TMEM45B: variants seen among roughly 807,000 people sequenced by gnomAD.
The protein encoded by TMEM45B is transmembrane protein 45B.
TMEM45B carries 29 observed loss-of-function variants against 27.3 expected under a neutral mutation model. That is an observed-to-expected ratio of 1.06 (90% CI 0.79 to 1.45). TMEM45B has a LOEUF of 1.45. Among genes scored for constraint, TMEM45B ranks in the 40% most tolerant of loss-of-function variants. The pLI is 0.00. For synonymous variants in TMEM45B, 143 were observed against 134.7 expected (o/e 1.06, Z -0.43); for missense variants, 348 against 343.9 (o/e 1.01, Z -0.09).
chr11:129,847,271 C>T (rs926538727), intron 1 of TMEM45B, among the ~76,000 whole-genome samples: 3 of 152,124 alleles, frequency 2.0e-5, no homozygotes, highest in African/African-American at 4.8e-5. Flanking sequence ...CCGGAGGAAA[C>T]AGCTGAAAGG....
chr11:129,850,459 C>T (rs1464590979), intron 1 of TMEM45B: 1 of 152,314 alleles, frequency 6.6e-6, no homozygotes, highest in Non-Finnish European at 1.5e-5. Flanking sequence ...GCCACCGCAC[C>T]TGGCCTCTCA....
chr11:129,857,291 A>G, intron 4 of TMEM45B, 22 bp from the exon 5 acceptor site: 2 of 1,611,350 alleles, frequency 1.2e-6, no homozygotes, highest in Non-Finnish European at 1.7e-6. Flanking sequence ...CACAAGACCA[A>G]CTTCTCTCTG....
In TMEM45B at chr11:129,855,787, C is replaced by A. The variant is rs527243028; in HGVS notation, c.465C>A (p.Phe155Leu). 2.5e-6 allele frequency: 4 copies of A among 1,614,014 alleles called. No individual in the cohort carries two copies. Among genetic ancestry groups the A allele is most frequent in the African/African-American group, 2.7e-5 (2 of 74,904 alleles). Reference sequence around the variant, plus strand: ...ACTCACTCCTGCTGTATGCTCTGTTCGGAGGGTGTGTTAGTATCTCCCTAG... The same window carrying A: ...ACTCACTCCTGCTGTATGCTCTGTTAGGAGGGTGTGTTAGTATCTCCCTAG... ...HIHSLLLYAL[F>L]GGCVSISLEV... The change falls in exon 4 of 6, where the codon TTC becomes TTA. Residue 155 changes from phenylalanine to leucine, a missense_variant. Coordinates refer to ENST00000281441, the MANE Select transcript of TMEM45B (RefSeq NM_138788.5).
intron 1 of TMEM45B, among the ~76,000 whole-genome samples, chr11:129,848,329 A>G (rs1227097166): frequency 6.9e-3 from 983 of 143,420 alleles, no homozygotes; most frequent in African/African-American, 0.023. Context: ...CGGCCAACAC[A>G]GCGAAACCCC....
At chr11:129,822,927 G>A (rs1267180718) in intron 1 of TMEM45B, among the ~76,000 whole-genome samples, 4 of 147,046 alleles carry the variant, frequency 2.7e-5, no homozygotes, top group South Asian at 2.1e-4. Flanking sequence ...TGCAAGCTCC[G>A]CCTCCCGAGT....
chr11:129,840,557 CAT>C (rs1947676753), intron 1 of TMEM45B, among the ~76,000 whole-genome samples: 1 of 152,082 alleles, frequency 6.6e-6, no homozygotes, highest in African/African-American at 2.4e-5. Context: ...ATTAAACAAA[CAT>C]GTAAATTTTT....
intron 1 of TMEM45B, among the ~76,000 whole-genome samples, chr11:129,847,416 T>A (rs1397217366): frequency 2.6e-5 from 4 of 151,510 alleles, no homozygotes; most frequent in African/African-American, 4.9e-5. Flanking sequence ...TATTTTTTTT[T>A]ATTTTTTTTT....
intron 1 of TMEM45B, among the ~76,000 whole-genome samples, chr11:129,850,100 T>A (rs1947825065): frequency 6.6e-6 from 1 of 152,166 alleles, no homozygotes; most frequent in Admixed American, 6.5e-5. Context: ...GACCTTTAGC[T>A]TTCCTTTTGA....
chr11:129,829,645 C>T (rs1947525310), intron 1 of TMEM45B, among the ~76,000 whole-genome samples: 1 of 152,190 alleles, frequency 6.6e-6, no homozygotes, highest in South Asian at 2.1e-4. Context: ...GCCCACACTA[C>T]CTGACTAATG....
intron 1 of TMEM45B, among the ~76,000 whole-genome samples, chr11:129,830,927 G>A (rs1419317605): frequency 6.6e-6 from 1 of 152,168 alleles, no homozygotes; most frequent in Non-Finnish European, 1.5e-5. Context: ...ATCTGACCAA[G>A]TATTCCACTC....
chr11:129,819,797 G>GC (rs969618010), intron 1 of TMEM45B, among the ~76,000 whole-genome samples: 22 of 151,522 alleles, frequency 1.5e-4, no homozygotes, highest in Admixed American at 1.1e-3. Context: ...CCTGTGATCT[G>GC]CCCCCCTCGG....
intron 5 of TMEM45B, among the ~76,000 whole-genome samples, chr11:129,858,334 GAA>G (rs1314938304): frequency 2.6e-5 from 4 of 152,340 alleles, no homozygotes; most frequent in African/African-American, 9.6e-5. Flanking sequence ...CCCAGCCACT[GAA>G]ACAGTAAACC....
chr11:129,850,040 A>T (rs1030093908), intron 1 of TMEM45B, among the ~76,000 whole-genome samples: 8 of 151,980 alleles, frequency 5.3e-5, no homozygotes, highest in African/African-American at 1.7e-4. Context: ...TCTCTCCTAC[A>T]CACACGTTTT....
At chr11:129,817,649 G>T (rs1339741419) in intron 1 of TMEM45B, among the ~76,000 whole-genome samples, 1 of 152,206 alleles carries the variant, frequency 6.6e-6, no homozygotes, top group African/African-American at 2.4e-5. Flanking sequence ...GGCCACACCT[G>T]TTCCCATTTA....
intron 1 of TMEM45B, among the ~76,000 whole-genome samples, chr11:129,826,567 A>AAAATAAAAAT (rs1199881268): frequency 1.0e-5 from 1 of 96,126 alleles, no homozygotes; most frequent in African/African-American, 3.8e-5. Flanking sequence ...AAAAAAAAAA[A>AAAATAAAAAT]AGGACCCTGA....
chr11:129,850,857 G>C (rs753614862), intron 1 of TMEM45B, among the ~76,000 whole-genome samples: 1 of 152,074 alleles, frequency 6.6e-6, no homozygotes, highest in African/African-American at 2.4e-5. Flanking sequence ...GGCAATCCAG[G>C]CTTTTTTCAG....
chr11:129,850,329 TA>T (rs1947831006), intron 1 of TMEM45B: 1 of 152,190 alleles, frequency 6.6e-6, no homozygotes, highest in Admixed American at 6.5e-5. Context: ...CGCGCCCGGC[TA>T]ATTTTTTTAT....
intron 1 of TMEM45B, among the ~76,000 whole-genome samples, chr11:129,826,641 A>G (rs10894146): frequency 0.91 from 133,834 of 147,692 alleles, 60,899 homozygotes; most frequent in East Asian, 1. Flanking sequence ...CTAGGACCCA[A>G]GTATTCTGAC....
intron 1 of TMEM45B, among the ~76,000 whole-genome samples, chr11:129,843,970 C>T (rs1947727976): frequency 6.6e-6 from 1 of 152,132 alleles, no homozygotes; most frequent in South Asian, 2.1e-4. Flanking sequence ...AATAAACTCC[C>T]TATCTTGAAA....
Sources: allele counts gnomAD v4.1 joint callset (sites outside exome capture counted in the v4.1 genomes callset), GRCh38; gene constraint gnomAD v4.1.1; transcripts MANE v1.5; gene names NCBI Gene and HGNC (gene_info 2026-07-23, HGNC 2026-07-21).